PNO1: variants seen among roughly 807,000 people sequenced by gnomAD.
PNO1 encodes the protein RNA-binding protein PNO1.
In PNO1, 16 loss-of-function variants were observed where a neutral mutation model predicts 28.4. That is an observed-to-expected ratio of 0.56 (90% CI 0.38 to 0.85). The LOEUF (loss-of-function observed/expected upper bound fraction) is 0.85. PNO1 is among the 40% of genes least tolerant of loss of function. The pLI is 0.00. For missense variants in PNO1, 304 were observed against 312.2 expected, an observed-to-expected ratio of 0.97 and a Z score of 0.20; for synonymous variants, 115 against 110.8, an observed-to-expected ratio of 1.04 and a Z score of -0.24.
rs1175438205 is a variant in PNO1 at position 68,165,313 on chromosome 2, G to A, written c.620+2650G>A. Reference sequence around the variant, plus strand: ...CGGGAGGCGGAGCTTGCAGTGAGCCGAGATCCCGCCACTGCACTCCAGCCT... The same window carrying A: ...CGGGAGGCGGAGCTTGCAGTGAGCCAAGATCCCGCCACTGCACTCCAGCCT... On this transcript the variant is annotated intron_variant, in intron 5 of 6. Coordinates refer to ENST00000263657, the MANE Select transcript of PNO1 (RefSeq NM_020143.4). Among the ~76,000 whole-genome samples, 9 of 141,570 alleles carry A rather than the reference G, an allele frequency of 6.4e-5. No homozygotes were observed. The East Asian group carries it at 1.9e-3, about 29-fold the overall frequency. The allele number at this position is 141,570 out of a possible 152,430, so 92.9% of individuals were successfully genotyped here.
intron 5 of PNO1, among the ~76,000 whole-genome samples, chr2:68,168,921 C>CTTTTTTTTTTTTTTTTTTTTTTTTTTT: frequency 1.4e-5 from 1 of 72,484 alleles, no homozygotes; most frequent in Non-Finnish European, 2.4e-5. Context: ...CAGCTTTTTT[C>CTTTTTTTTTTTTTTTTTTTTTTTTTTT]TTTTTTTTTT....
rs1427082223 is a variant in PNO1, at chr2:68,174,782, A to G, written c.739A>G (p.Arg247Gly). The change falls in exon 7 of 7, where the codon AGA (arginine) becomes GGA (glycine). Residue 247 changes from arginine to glycine, a missense_variant. Physicochemically the swap from Arg to Gly is moderately radical, Grantham distance 125. Coordinates refer to ENST00000263657, the MANE Select transcript of PNO1 (RefSeq NM_020143.4). ...TGGCAATATTCGAGCTGTGGCTAGC[A>G]GATCAGCAGATCGATTCTGATTTCA... ...VYGNIRAVAS[R>G]SADRF The G allele has an allele frequency of 6.2e-7, 1 of 1,607,446 alleles. No homozygotes were observed. Among genetic ancestry groups the G allele is most frequent in the Admixed American group, 1.7e-5 (1 of 59,860 alleles).
intron 5 of PNO1, among the ~76,000 whole-genome samples, chr2:68,171,394 A>C (rs1392889827): frequency 6.6e-6 from 1 of 152,190 alleles, no homozygotes; most frequent in African/African-American, 2.4e-5. Flanking sequence ...TCTCTTTCCC[A>C]GAGTTCTGCT....
chr2:68,170,665 G>A (rs1201458754), intron 5 of PNO1, among the ~76,000 whole-genome samples: 3 of 145,266 alleles, frequency 2.1e-5, no homozygotes, highest in Admixed American at 1.4e-4. Context: ...GGAGAATGGC[G>A]AGAATCCGAG....
At chr2:68,174,369 C>T (rs1674215641) in intron 6 of PNO1, among the ~76,000 whole-genome samples, 1 of 142,012 alleles carries the variant, frequency 7.0e-6, no homozygotes. Flanking sequence ...TTTTCACGTA[C>T]AGTCTGCCCT....
chr2:68,170,510 G>C (rs1674098657), intron 5 of PNO1, among the ~76,000 whole-genome samples: 1 of 152,160 alleles, frequency 6.6e-6, no homozygotes. Flanking sequence ...CACTTTGGGA[G>C]GCCGAGGCGG....
At chr2:68,159,572 T>G (rs1305015214) in intron 2 of PNO1, among the ~76,000 whole-genome samples, 1 of 152,192 alleles carries the variant, frequency 6.6e-6, no homozygotes, top group East Asian at 1.9e-4. Flanking sequence ...CTTTGGGCTT[T>G]CTTTTCTGGG....
intron 2 of PNO1, among the ~76,000 whole-genome samples, chr2:68,160,402 T>G (rs974175675): frequency 1.3e-5 from 2 of 152,254 alleles, no homozygotes; most frequent in Non-Finnish European, 2.9e-5. Context: ...GGTCCGCTCC[T>G]CCCTACTCCT....
At position 68,162,602 on chromosome 2, in the gene PNO1, G is replaced by A. The variant is rs1673864614; in HGVS notation, c.559G>A (p.Gly187Arg). The change falls in exon 5 of 7, where the codon GGA becomes AGA. Residue 187 changes from glycine (G) to arginine (R), a missense_variant. Gly to Arg is a moderately radical substitution (Grantham distance 125). Transcript: ENST00000263657. The stretch of plus-strand genomic sequence containing the variant: ...GGCAATAGGAAGAATCGCTGGCAAA[G>A]GAGGAAAAACCAAATTCACCATAGA... ...SRAIGRIAGK[G>R]GKTKFTIENV... is the part of the protein sequence containing the mutation. The A allele has an allele frequency of 6.2e-7, 1 of 1,614,032 alleles. No homozygotes were observed. The highest frequency in any genetic ancestry group is 8.5e-7 in the Non-Finnish European group (1 of 1,179,924).
chr2:68,166,376 C>A (rs1359892522), intron 5 of PNO1, among the ~76,000 whole-genome samples: 2 of 132,408 alleles, frequency 1.5e-5, no homozygotes, highest in African/African-American at 6.3e-5. Flanking sequence ...TGTACTCTTT[C>A]ATAAAGTAAG....
chr2:68,159,808 T>C (rs1367698370), intron 2 of PNO1, among the ~76,000 whole-genome samples: 2 of 152,078 alleles, frequency 1.3e-5, no homozygotes, highest in Non-Finnish European at 2.9e-5. Context: ...CAGGCTTTTA[T>C]GGTTTCCTGC....
At chr2:68,171,359 G>A (rs1243004178) in intron 5 of PNO1, among the ~76,000 whole-genome samples, 3 of 152,132 alleles carry the variant, frequency 2.0e-5, no homozygotes, top group Admixed American at 2.0e-4. Context: ...ATCATCCTGG[G>A]TTCCCTGTCC....
intron 3 of PNO1, 147 bp from the exon 4 acceptor site, chr2:68,162,118 G>A (rs187575209): frequency 1.5e-4 from 93 of 608,746 alleles, no homozygotes; most frequent in Middle Eastern, 3.4e-4. Flanking sequence ...CAGCCTGGGC[G>A]ACAGCGTAAG....
chr2:68,161,485 T>C lies in PNO1; in HGVS notation c.358-198T>C, dbSNP rs534621147. ...CTCTTTGGGTGGAACAGCCAAGCTT[T>C]GGAGCTGGGAACGTTTTGTTTTGCA... On this transcript the variant is annotated intron_variant, in intron 2 of 6. Transcript: ENST00000263657. The C allele has an allele frequency of 2.5e-3, 1,383 of 557,830 alleles. 10 individuals carry two copies. Among genetic ancestry groups the C allele is most frequent in the Non-Finnish European group, 2.5e-3 (780 of 306,166 alleles). The allele number at this position is 557,830 out of a possible 1,614,324, so 34.6% of individuals were successfully genotyped here.
intron 5 of PNO1, among the ~76,000 whole-genome samples, chr2:68,171,651 T>A (rs538189365): frequency 1.3e-5 from 2 of 152,234 alleles, no homozygotes; most frequent in South Asian, 2.1e-4. Context: ...AGCACAAAGA[T>A]CTTGAGTTGA....
intron 6 of PNO1, among the ~76,000 whole-genome samples, chr2:68,174,288 G>GTTTTTTTTTTTTTTT (rs34323809): frequency 9.4e-6 from 1 of 106,800 alleles, no homozygotes; most frequent in Non-Finnish European, 1.8e-5. Context: ...TTCTGTTAAG[G>GTTTTTTTTTTTTTTT]TTTTTTTTTT....
chr2:68,161,798 C>A, intron 3 of PNO1, 32 bp downstream of exon 3: 3 of 1,348,942 alleles, frequency 2.2e-6, no homozygotes, highest in Non-Finnish European at 2.1e-6. Flanking sequence ...AAAATGGGGA[C>A]TTTAAAAATA....
rs766445254 is a variant in PNO1 at position 68,157,961 on chromosome 2, C to T, written c.27C>T (p.Ser9=). The stretch of plus-strand genomic sequence containing the variant: ...TGGAATCCGAAATGGAAACGCAGAG[C>T]GCCAGGGCAGAGGAGGGCTTTACCC... The part of the protein sequence containing the change: MESEMETQ[S]ARAEEGFTQV... The change falls in exon 1 of 7, where the codon AGC becomes AGT. Residue 9 remains serine, a synonymous_variant. Transcript: ENST00000263657. The T allele has an allele frequency of 2.5e-6, 4 of 1,614,060 alleles. No homozygotes were observed. The highest frequency in any genetic ancestry group is 3.4e-6 in the Non-Finnish European group (4 of 1,180,000).
At chr2:68,162,767 T>C in intron 5 of PNO1, 104 bp downstream of exon 5, 1 of 778,070 alleles carries the variant, frequency 1.3e-6, no homozygotes, top group Middle Eastern at 2.4e-4. Context: ...TGCTGCTAAA[T>C]CTTTGTCAGT....
Sources: gnomAD v4.1 joint callset for allele counts (sites outside exome capture counted in the v4.1 genomes callset) on GRCh38, gnomAD v4.1.1 for gene constraint, MANE v1.5 for transcripts, NCBI Gene and HGNC (gene_info 2026-07-23, HGNC 2026-07-21) for gene names.